Variants in HERC1 observed in about 807,000 individuals in gnomAD.
HERC1 encodes probable E3 ubiquitin-protein ligase HERC1.
In HERC1, 160 loss-of-function variants were observed where a neutral mutation model predicts 554.3. That is an observed-to-expected ratio of 0.29 (90% CI 0.25 to 0.33). The LOEUF is 0.33. Ranked by LOEUF, HERC1 falls within the 10% of genes least tolerant of loss-of-function variation. The pLI is 1.00. For synonymous variants in HERC1, 2,175 were observed against 2,131.7 expected (o/e 1.02, Z -0.56); for missense variants, 4,919 against 5,918.5 (o/e 0.83, Z 5.54).
chr15:63,731,289 C>T (rs2074280938), intron 14 of HERC1, among the ~76,000 whole-genome samples: 1 of 152,070 alleles, frequency 6.6e-6, no homozygotes, highest in Non-Finnish European at 1.5e-5. Flanking sequence ...CACTGTAGGG[C>T]CCTTGCTCTA....
At chr15:63,821,446 C>T (rs1468659749) in intron 1 of HERC1, among the ~76,000 whole-genome samples, 1 of 150,770 alleles carries the variant, frequency 6.6e-6, no homozygotes, top group Non-Finnish European at 1.5e-5. Flanking sequence ...GTCCCAGCTA[C>T]TTGGGAAGCT....
chr15:63,695,219 T>C (rs2072334080), intron 27 of HERC1, among the ~76,000 whole-genome samples: 1 of 145,078 alleles, frequency 6.9e-6, no homozygotes, highest in South Asian at 2.2e-4. Context: ...GTATTTTCTG[T>C]AGAGACAGGG....
intron 2 of HERC1, among the ~76,000 whole-genome samples, chr15:63,772,464 GAAAT>G (rs1254015831): frequency 7.9e-5 from 12 of 151,250 alleles, no homozygotes; most frequent in Non-Finnish European, 1.3e-4. Context: ...ACTTCTTACA[GAAAT>G]ATTAACATGT....
At chr15:63,720,397 C>T (rs528689116) in intron 19 of HERC1, among the ~76,000 whole-genome samples, 7 of 151,890 alleles carry the variant, frequency 4.6e-5, no homozygotes, top group Non-Finnish European at 7.4e-5. Context: ...TGCTAGTCTC[C>T]GTTCATTTGA....
intron 2 of HERC1, among the ~76,000 whole-genome samples, chr15:63,766,741 G>T (rs149749785): frequency 3.3e-5 from 5 of 150,316 alleles, no homozygotes; most frequent in African/African-American, 4.9e-5. Flanking sequence ...GCAATGGCAC[G>T]ATCTCGGCTC....
rs373281172 is a variant in HERC1 at position 63,637,573 on chromosome 15, C to T, written c.12164G>A (p.Ser4055Asn). 5 of 1,558,188 alleles carry T rather than the reference C, an allele frequency of 3.2e-6. No individual in the cohort carries two copies. The highest frequency in any genetic ancestry group is 1.2e-5 in the South Asian group (1 of 84,578). Residue 4055 changes from serine (S) to asparagine (N), a missense_variant, in exon 64 of 78, where the codon AGT becomes AAT. This residue lies in a region of HERC1 where 122 missense variants were observed against 195.2 expected (regional missense o/e 0.63). Transcript: ENST00000443617. ...NGTVLACGEG[S>N]YGRLGQGNSD... ...ATTTCCTTGTCCTAATCTGCCATAA[C>T]TTCCTTCCCCACAAGCCAACACTGT...
At chr15:63,720,256 A>G (rs985056863) in intron 19 of HERC1, among the ~76,000 whole-genome samples, 1 of 151,864 alleles carries the variant, frequency 6.6e-6, no homozygotes, top group African/African-American at 2.4e-5. Flanking sequence ...GGCATGAGCT[A>G]CCACACTCGG....
chr15:63,663,627 T>C (rs1425455455), intron 43 of HERC1, among the ~76,000 whole-genome samples: 2 of 152,304 alleles, frequency 1.3e-5, no homozygotes, highest in Admixed American at 1.3e-4. Flanking sequence ...GCTAACCGTT[T>C]TTTAATTTTT....
chr15:63,614,004 A>AC (rs1352762676), intron 76 of HERC1, among the ~76,000 whole-genome samples: 9 of 152,196 alleles, frequency 5.9e-5, no homozygotes, highest in African/African-American at 2.2e-4. Context: ...CTGGAAAAAA[A>AC]ATTAGGCTGA....
At chr15:63,630,669 T>C (rs1595857192) in intron 68 of HERC1, 34 bp from the exon 69 acceptor site, 1 of 1,593,754 alleles carries the variant, frequency 6.3e-7, no homozygotes. Context: ...TGTGGAAATG[T>C]TATGCACCAC....
At chr15:63,759,007 G>T (rs1291635008) in intron 3 of HERC1, among the ~76,000 whole-genome samples, 1 of 152,012 alleles carries the variant, frequency 6.6e-6, no homozygotes, top group Admixed American at 6.6e-5. Flanking sequence ...GAGATTACAG[G>T]CATGCAAGTA....
intron 1 of HERC1, among the ~76,000 whole-genome samples, chr15:63,806,487 T>C (rs949540996): frequency 6.6e-6 from 1 of 152,160 alleles, no homozygotes; most frequent in Non-Finnish European, 1.5e-5. Flanking sequence ...TGGTTTGTTA[T>C]TATTTGCGTA....
At chr15:63,812,866 G>A (rs951333640) in intron 1 of HERC1, among the ~76,000 whole-genome samples, 4 of 152,008 alleles carry the variant, frequency 2.6e-5, no homozygotes, top group Non-Finnish European at 5.9e-5. Context: ...TCCTAGATTC[G>A]AAGACTAAAT....
chr15:63,738,088 T>C (rs1218847001), intron 12 of HERC1, among the ~76,000 whole-genome samples: 1 of 152,154 alleles, frequency 6.6e-6, no homozygotes, highest in Non-Finnish European at 1.5e-5. Context: ...ACATTGTCAG[T>C]AATAAGATAT....
chr15:63,763,243 T>A (rs1462901755), intron 3 of HERC1, among the ~76,000 whole-genome samples: 3 of 152,188 alleles, frequency 2.0e-5, no homozygotes, highest in African/African-American at 7.2e-5. Context: ...AATTAGAATA[T>A]CATATTTTTG....
intron 1 of HERC1, among the ~76,000 whole-genome samples, chr15:63,829,479 AATATAT>A (rs759570400): frequency 1.1e-4 from 10 of 87,632 alleles, no homozygotes; most frequent in Admixed American, 3.5e-4. Context: ...TGTTTATATA[AATATAT>A]ATATATATAT....
intron 43 of HERC1, 72 bp from the exon 44 acceptor site, chr15:63,663,276 C>G: frequency 7.8e-7 from 1 of 1,281,714 alleles, no homozygotes; most frequent in Non-Finnish European, 1.1e-6. Flanking sequence ...CAGTTCTTAA[C>G]TGCCATACAT....
intron 10 of HERC1, among the ~76,000 whole-genome samples, chr15:63,748,088 T>C (rs1451596932): frequency 6.6e-6 from 1 of 151,938 alleles, no homozygotes; most frequent in East Asian, 1.9e-4. Context: ...TAGTCGGGCA[T>C]GGTGGTATAT....
At chr15:63,619,423 T>C (rs2067968858) in intron 74 of HERC1, among the ~76,000 whole-genome samples, 1 of 152,216 alleles carries the variant, frequency 6.6e-6, no homozygotes, top group Non-Finnish European at 1.5e-5. Context: ...GATTTTTGCA[T>C]CAATGTTCAT....
Sources: gnomAD v4.1 joint callset for allele counts (sites outside exome capture counted in the v4.1 genomes callset) on GRCh38, gnomAD v4.1.1 for gene constraint, gnomAD v4.1.1 regional missense constraint, MANE v1.5 for transcripts, NCBI Gene and HGNC (gene_info 2026-07-23, HGNC 2026-07-21) for gene names.